Variants in TMEM63C observed in about 807,000 individuals in gnomAD.
TMEM63C encodes osmosensitive cation channel TMEM63C.
A neutral mutation model predicts 99.2 loss-of-function variants in TMEM63C; 32 were observed. That is an observed-to-expected ratio of 0.32 (90% CI 0.24 to 0.43). TMEM63C has a LOEUF of 0.43. Among genes scored for constraint, TMEM63C ranks in the 20% least tolerant of loss-of-function variants. The pLI is 1.00. For synonymous variants in TMEM63C, 376 were observed against 397.9 expected (o/e 0.94, Z 0.66); for missense variants, 826 against 1,053.0 (o/e 0.78, Z 2.98).
At chr14:77,202,863 A>ACG (rs1888325110) in intron 1 of TMEM63C, among the ~76,000 whole-genome samples, 2 of 68,192 alleles carry the variant, frequency 2.9e-5, no homozygotes, top group Admixed American at 1.4e-4. Context: ...ACACACACAC[A>ACG]CACGCACACA....
rs766816137 is a variant in TMEM63C at position 77,239,769 on chromosome 14, G to C, written c.930+43G>C. 3.7e-6 allele frequency: 6 copies of C among 1,603,438 alleles called. No homozygotes were observed. The Admixed American group carries it at 1.0e-4, about 27-fold the overall frequency. On this transcript the variant is annotated intron_variant, in intron 12 of 23. Coordinates refer to ENST00000298351, the MANE Select transcript of TMEM63C (RefSeq NM_020431.4). ...TGGGAGCACAGCAAGGGAGCGGTGG[G>C]GTCCTGGGGCTCTAGGCTCTGTGCC...
At chr14:77,226,030 C>T (rs111871133) in intron 6 of TMEM63C, among the ~76,000 whole-genome samples, 1 of 152,146 alleles carries the variant, frequency 6.6e-6, no homozygotes, top group African/African-American at 2.4e-5. Context: ...CCTGATTCCC[C>T]AACACCAGCC....
Position 77,248,363 on chromosome 14 carries a change from G to A in TMEM63C, c.1618G>A (p.Asp540Asn). The change falls in exon 19 of 24, where the codon GAC (aspartate) becomes AAC (asparagine). Residue 540 changes from aspartate (D) to asparagine (N), a missense_variant. Physicochemically the swap from Asp to Asn is conservative, Grantham distance 23. Transcript: ENST00000298351. ...SIRFQCVFLP[D>N]NGAFFVNYVI... ...ACTGCCCAGGTGTGTGTTCCTGCCA[G>A]ACAACGGCGCCTTCTTTGTCAACTA... is the stretch of plus-strand genomic sequence containing the variant. The A allele has an allele frequency of 6.2e-7, 1 of 1,611,220 alleles. No individual in the cohort carries two copies. The highest frequency in any genetic ancestry group is 8.5e-7 in the Non-Finnish European group (1 of 1,178,672).
chr14:77,187,568 A>G (rs912063193), intron 1 of TMEM63C, among the ~76,000 whole-genome samples: 15 of 152,230 alleles, frequency 9.9e-5, no homozygotes, highest in African/African-American at 2.9e-4. Context: ...CTTGTGCTGC[A>G]CGGAGCAGCC....
intron 12 of TMEM63C, 129 bp downstream of exon 12, chr14:77,239,855 C>G (rs1404120957): frequency 3.3e-5 from 43 of 1,300,274 alleles, no homozygotes; most frequent in Non-Finnish European, 4.2e-5. Flanking sequence ...CCCCACCCAG[C>G]TCCTTCCTCC....
At chr14:77,237,244 C>T (rs1388044214) in intron 9 of TMEM63C, among the ~76,000 whole-genome samples, 1 of 152,116 alleles carries the variant, frequency 6.6e-6, no homozygotes, top group East Asian at 1.9e-4. Flanking sequence ...CTGGGCCCTG[C>T]TGAGCTGCTG....
At chr14:77,194,543 TTCTTTCTTTC>T (rs1435227526) in intron 1 of TMEM63C, among the ~76,000 whole-genome samples, 2,151 of 22,872 alleles carry the variant, frequency 0.094, 160 homozygotes, top group African/African-American at 0.22. Flanking sequence ...CTTTCTTTCT[TTCTTTCTTTC>T]TCTTTCTTTC....
At chr14:77,211,468 G>A (rs1020844344) in intron 1 of TMEM63C, among the ~76,000 whole-genome samples, 4 of 152,178 alleles carry the variant, frequency 2.6e-5, no homozygotes, top group Admixed American at 2.6e-4. Flanking sequence ...GTAAACGTTA[G>A]CTATTAATAA....
intron 1 of TMEM63C, among the ~76,000 whole-genome samples, chr14:77,206,939 C>T (rs1287616502): frequency 1.3e-5 from 2 of 151,604 alleles, no homozygotes; most frequent in East Asian, 3.9e-4. Context: ...TTGTATCCTG[C>T]TGTTTTTATT....
intron 1 of TMEM63C, among the ~76,000 whole-genome samples, chr14:77,184,378 C>T (rs1887962877): frequency 6.6e-6 from 1 of 152,120 alleles, no homozygotes; most frequent in Non-Finnish European, 1.5e-5. Flanking sequence ...ATGCAGGTGT[C>T]TAGTGGCACC....
At chr14:77,232,212 A>G (rs35069088) in intron 7 of TMEM63C, among the ~76,000 whole-genome samples, 9,815 of 152,264 alleles carry the variant, frequency 0.064, 411 homozygotes, top group Admixed American at 0.1. Context: ...TGGCTCCACA[A>G]TGTTTACCCA....
At chr14:77,249,678 A>G (rs1889324911) in intron 21 of TMEM63C, among the ~76,000 whole-genome samples, 1 of 152,218 alleles carries the variant, frequency 6.6e-6, no homozygotes, top group African/African-American at 2.4e-5. Context: ...CATGGTCCCC[A>G]GGTGTGGATT....
rs1311302417 is a variant in TMEM63C at position 77,246,570 on chromosome 14, G to C, written c.1536-39G>C. ...TTGAACCCTCAGCCTTAGCTCATAG[G>C]TTTGCTAACTAACAGACCTGCCTTG... On this transcript the variant is annotated intron_variant, in intron 17 of 23. Transcript: ENST00000298351. 1.3e-5 allele frequency: 20 copies of C among 1,584,130 alleles called. No homozygotes were observed. In the Admixed American group the frequency reaches 3.4e-4, roughly 27 times the overall value.
chr14:77,219,426 A>G, intron 3 of TMEM63C, 72 bp from the exon 4 acceptor site: 1 of 1,504,644 alleles, frequency 6.6e-7, no homozygotes, highest in Non-Finnish European at 9.2e-7. Context: ...CCCCCAAGGG[A>G]ATGCAGGGGG....
chr14:77,192,764 C>T (rs975245445), intron 1 of TMEM63C, among the ~76,000 whole-genome samples: 1 of 149,566 alleles, frequency 6.7e-6, no homozygotes, highest in African/African-American at 2.5e-5. Flanking sequence ...GACCCTGCTT[C>T]AAGAAAGAAT....
rs141251396 is a variant in TMEM63C at position 77,226,036 on chromosome 14, C to A, written c.350+575C>A. Among the ~76,000 whole-genome samples the A allele has an allele frequency of 2.0e-5, 3 of 152,300 alleles. No individual in the cohort carries two copies. The East Asian group carries it at 5.8e-4, about 29-fold the overall frequency. On this transcript the variant is annotated intron_variant, in intron 6 of 23. Transcript: ENST00000298351. ...GTGTTTTCTCCTGATTCCCCAACAC[C>A]AGCCAGACGCTTCAGCAGAGCAGAC...
chr14:77,249,179 G>T, intron 20 of TMEM63C, 112 bp from the exon 21 acceptor site: 1 of 1,180,868 alleles, frequency 8.5e-7, no homozygotes, highest in Non-Finnish European at 1.2e-6. Flanking sequence ...ATCCTTGGTT[G>T]TTGTGACTCT....
At chr14:77,251,715 C>T (rs1889362902) in intron 21 of TMEM63C, 74 bp from the exon 22 acceptor site, 2 of 1,224,070 alleles carry the variant, frequency 1.6e-6, no homozygotes, top group Admixed American at 3.4e-5. Flanking sequence ...CTGTGACGGT[C>T]CCTGGCATCT....
rs1337828595 is a variant in TMEM63C at position 77,213,506 on chromosome 14, C to G, written c.-16C>G. The stretch of plus-strand genomic sequence containing the variant: ...GTGGACCTTCACTGGAGAAGTGACT[C>G]AGGTGGGAAAAGTCTCCCCGGGCCT... On this transcript the variant is annotated splice_region_variant and 5_prime_UTR_variant, in exon 2 of 24. Coordinates refer to ENST00000298351, the MANE Select transcript of TMEM63C (RefSeq NM_020431.4). 3.3e-5 allele frequency: 5 copies of G among 152,186 alleles called. No individual in the cohort carries two copies. Among genetic ancestry groups the G allele is most frequent in the Non-Finnish European group, 1.5e-5 (1 of 68,052 alleles). 9.4% of individuals were successfully genotyped at this position (152,186 alleles called of 1,614,324 possible).
Sources: gnomAD v4.1 joint callset for allele counts (sites outside exome capture counted in the v4.1 genomes callset) on GRCh38, gnomAD v4.1.1 for gene constraint, MANE v1.5 for transcripts, NCBI Gene and HGNC (gene_info 2026-07-23, HGNC 2026-07-21) for gene names.